Variants in SDK1 observed in about 807,000 individuals in gnomAD.
The protein encoded by SDK1 is sidekick cell adhesion molecule 1.
In SDK1, 157 loss-of-function variants were observed where a neutral mutation model predicts 245.5. The ratio of observed to expected loss-of-function variants is 0.64; its 90% CI spans 0.56 to 0.73. The LOEUF (loss-of-function observed/expected upper bound fraction) is 0.73, where lower values mean the gene tolerates loss of function less well. Among genes scored for constraint, SDK1 ranks in the 30% least tolerant of loss-of-function variants. The probability of loss-of-function intolerance (pLI) is 0.00; values close to 1 mark genes in which losing one functional copy is unlikely to be tolerated. For missense variants in SDK1, 3,583 were observed against 3,002.3 expected (o/e 1.19, Z -4.52); for synonymous variants, 1,647 against 1,278.5 (o/e 1.29, Z -6.15).
rs367817875 is a variant in SDK1, at chr7:3,363,307, CTTT to C, written c.298+61427_298+61429del. On this transcript the variant is annotated intron_variant, in intron 1 of 44. Coordinates refer to ENST00000404826, the MANE Select transcript of SDK1 (RefSeq NM_152744.4). The stretch of plus-strand genomic sequence containing the variant: ...TGTTTTCTATTTCAGTAATTCATTT[CTTT>C]TTTATTAAGTAGTGTTCCATGGAAA... Among the ~76,000 whole-genome samples the C allele has an allele frequency of 3.7e-3, 559 of 152,034 alleles. 7 individuals carry two copies. The highest frequency in any genetic ancestry group is 0.013 in the African/African-American group (540 of 41,474).
intron 1 of SDK1, among the ~76,000 whole-genome samples, chr7:3,410,677 C>A (rs766368697): frequency 2.7e-5 from 4 of 150,562 alleles, no homozygotes; most frequent in Non-Finnish European, 1.5e-5. Flanking sequence ...ACCTCCGCCT[C>A]CCAGGTTCAA....
chr7:4,065,310 T>C (rs577190175), intron 19 of SDK1, among the ~76,000 whole-genome samples: 1 of 152,236 alleles, frequency 6.6e-6, no homozygotes, highest in East Asian at 1.9e-4. Context: ...AGGACTTCTT[T>C]CCCAAAGCTC....
At chr7:3,535,583 C>T (rs984745187) in intron 1 of SDK1, among the ~76,000 whole-genome samples, 6 of 152,122 alleles carry the variant, frequency 3.9e-5, no homozygotes, top group Non-Finnish European at 7.4e-5. Flanking sequence ...AGCTGTAAAG[C>T]GCGGGCCTTC....
At chr7:3,336,450 C>T (rs1454005889) in intron 1 of SDK1, among the ~76,000 whole-genome samples, 2 of 152,158 alleles carry the variant, frequency 1.3e-5, no homozygotes, top group African/African-American at 4.8e-5. Context: ...ATCCAGCCCC[C>T]ACCAGCCACA....
chr7:3,762,351 C>T (rs1167416595), intron 4 of SDK1, among the ~76,000 whole-genome samples: 3 of 152,216 alleles, frequency 2.0e-5, no homozygotes, highest in Non-Finnish European at 4.4e-5. Context: ...TTGGATAGTC[C>T]TGCAGGATGA....
intron 22 of SDK1, among the ~76,000 whole-genome samples, chr7:4,094,011 C>T (rs1220484512): frequency 6.6e-6 from 1 of 152,078 alleles, no homozygotes; most frequent in Non-Finnish European, 1.5e-5. Context: ...CCATACAATC[C>T]GGGGGCAGTC....
chr7:4,228,609 G>A (rs901197451), intron 40 of SDK1, among the ~76,000 whole-genome samples: 1 of 152,100 alleles, frequency 6.6e-6, no homozygotes, highest in African/African-American at 2.4e-5. Context: ...GTGCAATCTC[G>A]GCTCACTGCA....
chr7:3,346,771 A>G (rs1185940525), intron 1 of SDK1, among the ~76,000 whole-genome samples: 3 of 124,860 alleles, frequency 2.4e-5, no homozygotes, highest in African/African-American at 9.4e-5. Context: ...ATATATGTAT[A>G]TATGTATACA....
chr7:3,922,264 C>T (rs2128113559), intron 5 of SDK1, among the ~76,000 whole-genome samples: 1 of 152,314 alleles, frequency 6.6e-6, no homozygotes, highest in East Asian at 1.9e-4. Context: ...GATCTGGGGG[C>T]TGGGAGCAGG....
At chr7:3,905,745 C>T (rs1778886014) in intron 5 of SDK1, among the ~76,000 whole-genome samples, 1 of 151,970 alleles carries the variant, frequency 6.6e-6, no homozygotes, top group Non-Finnish European at 1.5e-5. Flanking sequence ...GACTCAGCCT[C>T]CTGAGTAGCA....
chr7:3,649,594 T>C (rs1310545579), intron 4 of SDK1, among the ~76,000 whole-genome samples: 1 of 152,144 alleles, frequency 6.6e-6, no homozygotes. Context: ...ATAATAATAA[T>C]TAATGATTTT....
At chr7:3,834,990 C>T (rs2115079311) in intron 5 of SDK1, among the ~76,000 whole-genome samples, 1 of 152,236 alleles carries the variant, frequency 6.6e-6, no homozygotes, top group Admixed American at 6.5e-5. Flanking sequence ...GAGGATTCTC[C>T]AGCCTTTAGT....
At chr7:3,599,166 C>T (rs1358503124) in intron 1 of SDK1, among the ~76,000 whole-genome samples, 2 of 146,942 alleles carry the variant, frequency 1.4e-5, no homozygotes, top group Admixed American at 7.0e-5. Flanking sequence ...GTAGCCATTC[C>T]GATAGATGTG....
intron 1 of SDK1, among the ~76,000 whole-genome samples, chr7:3,456,798 G>C (rs1780683166): frequency 6.6e-6 from 1 of 152,104 alleles, no homozygotes; most frequent in African/African-American, 2.4e-5. Flanking sequence ...CATTTTGGCT[G>C]TTATGTTAGG....
At chr7:3,805,320 C>G (rs542789065) in intron 4 of SDK1, among the ~76,000 whole-genome samples, 1 of 152,320 alleles carries the variant, frequency 6.6e-6, no homozygotes, top group African/African-American at 2.4e-5. Context: ...ACCACGTCAT[C>G]TGCAAATAGA....
intron 1 of SDK1, among the ~76,000 whole-genome samples, chr7:3,426,058 G>A (rs1779667762): frequency 3.9e-5 from 6 of 152,144 alleles, no homozygotes; most frequent in Admixed American, 3.9e-4. Flanking sequence ...TCAGATATAT[G>A]GCGTGTTCTT....
Position 3,539,966 on chromosome 7 carries a change from T to G in SDK1, c.299-79114T>G, listed in dbSNP as rs189846741. ...GGCATAATGACATACCTCCTAATTT[T>G]TTTTAGATTTAAGTAAAACTCTGGA... On this transcript the variant is annotated intron_variant, in intron 1 of 44. Coordinates refer to ENST00000404826, the MANE Select transcript of SDK1 (RefSeq NM_152744.4). Among the ~76,000 whole-genome samples the G allele has an allele frequency of 2.4e-3, 372 of 152,352 alleles. 3 individuals are homozygous for G. The highest frequency in any genetic ancestry group is 0.018 in the South Asian group (88 of 4,828).
At chr7:4,110,153 TA>T (rs1783244568) in intron 22 of SDK1, among the ~76,000 whole-genome samples, 1 of 152,128 alleles carries the variant, frequency 6.6e-6, no homozygotes, top group African/African-American at 2.4e-5. Context: ...GGACCTTCCT[TA>T]TGCCGTGGGC....
At chr7:3,307,193 G>T (rs34466031) in intron 1 of SDK1, among the ~76,000 whole-genome samples, 23,206 of 151,996 alleles carry the variant, frequency 0.15, 2,799 homozygotes, top group African/African-American at 0.33. Context: ...CTTCATTTCT[G>T]TAAGGCATTA....
Sources: gnomAD v4.1 joint callset for allele counts (sites outside exome capture counted in the v4.1 genomes callset) on GRCh38, gnomAD v4.1.1 for gene constraint, MANE v1.5 for transcripts, NCBI Gene and HGNC (gene_info 2026-07-23, HGNC 2026-07-21) for gene names.